The following MECOM variants were observed in gnomAD, a reference collection of about 807,000 sequenced individuals.
MECOM encodes the protein histone-lysine N-methyltransferase MECOM.
A neutral mutation model predicts 116.3 loss-of-function variants in MECOM; 13 were observed. The observed-to-expected ratio is 0.11, with a 90% confidence interval of 0.07 to 0.18. The LOEUF is 0.18. Among genes scored for constraint, MECOM ranks in the 10% least tolerant of loss-of-function variants. The probability of loss-of-function intolerance (pLI) is 1.00; values close to 1 mark genes in which losing one functional copy is unlikely to be tolerated. For missense variants in MECOM, 1,299 were observed against 1,509.0 expected (o/e 0.86, Z 2.31); for synonymous variants, 528 against 535.2 (o/e 0.99, Z 0.19).
intron 12 of MECOM, 65 bp from the exon 13 acceptor site, chr3:169,095,310 G>A: frequency 7.2e-7 from 1 of 1,390,512 alleles, no homozygotes; most frequent in Admixed American, 2.4e-5. Context: ...AGACTAGTTA[G>A]CCAGCTATCA....
chr3:169,535,395 G>C (rs1221532096), intron 1 of MECOM, among the ~76,000 whole-genome samples: 1 of 151,680 alleles, frequency 6.6e-6, no homozygotes, highest in Non-Finnish European at 1.5e-5. Context: ...TAGATACATA[G>C]AAAAAAAATC....
chr3:169,378,582 G>GAA (rs1475772052), intron 2 of MECOM, among the ~76,000 whole-genome samples: 3 of 64,268 alleles, frequency 4.7e-5, no homozygotes, highest in Admixed American at 1.6e-4. Context: ...AAGAAAGAAA[G>GAA]AAAGTAAGTA....
At chr3:169,184,479 C>T (rs1336942083) in intron 2 of MECOM, among the ~76,000 whole-genome samples, 1 of 152,024 alleles carries the variant, frequency 6.6e-6, no homozygotes, top group Non-Finnish European at 1.5e-5. Context: ...TCTAACAAGG[C>T]TGGCTTTCTA....
chr3:169,171,239 G>A (rs956487286), intron 2 of MECOM, among the ~76,000 whole-genome samples: 1 of 152,106 alleles, frequency 6.6e-6, no homozygotes, highest in African/African-American at 2.4e-5. Context: ...CTATTAGTTA[G>A]GAACATTTAC....
intron 2 of MECOM, among the ~76,000 whole-genome samples, chr3:169,273,968 G>C (rs532613967): frequency 6.8e-6 from 1 of 147,266 alleles, no homozygotes; most frequent in African/African-American, 2.6e-5. Flanking sequence ...CTGGAGTGCA[G>C]TGGTATGATC....
intron 2 of MECOM, among the ~76,000 whole-genome samples, chr3:169,249,931 A>G (rs1313839963): frequency 6.6e-6 from 1 of 152,216 alleles, no homozygotes; most frequent in Non-Finnish European, 1.5e-5. Flanking sequence ...TCTTTTTTAA[A>G]TACAAGGAAA....
At chr3:169,111,653 T>C in intron 9 of MECOM, among the ~76,000 whole-genome samples, 1 of 152,270 alleles carries the variant, frequency 6.6e-6, no homozygotes, top group East Asian at 1.9e-4. Context: ...AAACTTTTAC[T>C]GCTAAACCAC....
intron 1 of MECOM, among the ~76,000 whole-genome samples, chr3:169,462,863 C>T (rs1747687620): frequency 6.6e-6 from 1 of 152,068 alleles, no homozygotes; most frequent in African/African-American, 2.4e-5. Context: ...TTTCTTGTGT[C>T]TAAATTATTT....
chr3:169,306,619 T>C (rs765002063), intron 2 of MECOM, among the ~76,000 whole-genome samples: 3 of 152,192 alleles, frequency 2.0e-5, no homozygotes, highest in Non-Finnish European at 4.4e-5. Flanking sequence ...AGACAGAGGT[T>C]GCAGTGAGCA....
chr3:169,439,315 A>C (rs1186313049), intron 1 of MECOM, among the ~76,000 whole-genome samples: 1 of 147,770 alleles, frequency 6.8e-6, no homozygotes, highest in Non-Finnish European at 1.5e-5. Flanking sequence ...ACTAAGGATT[A>C]GTATCCAGAA....
chr3:169,352,902 A>G (rs2149809266), intron 2 of MECOM, among the ~76,000 whole-genome samples: 1 of 152,014 alleles, frequency 6.6e-6, no homozygotes, highest in South Asian at 2.1e-4. Context: ...CAAGTACACA[A>G]TCTTATCTCT....
intron 2 of MECOM, among the ~76,000 whole-genome samples, chr3:169,263,516 A>G (rs1465326464): frequency 7.3e-6 from 1 of 137,212 alleles, no homozygotes; most frequent in Non-Finnish European, 1.5e-5. Flanking sequence ...TACGCAGAGC[A>G]CTTGCACACA....
intron 1 of MECOM, among the ~76,000 whole-genome samples, chr3:169,548,448 A>G (rs918882567): frequency 5.9e-5 from 9 of 152,236 alleles, no homozygotes; most frequent in African/African-American, 2.2e-4. Flanking sequence ...TAGGTACGCA[A>G]TTAATAGCTG....
intron 2 of MECOM, among the ~76,000 whole-genome samples, chr3:169,378,296 A>C (rs930543716): frequency 1.3e-5 from 2 of 150,180 alleles, no homozygotes; most frequent in Non-Finnish European, 3.0e-5. Flanking sequence ...TGTTCTGCAC[A>C]TGTATCCTAG....
chr3:169,437,404 T>C (rs182084097), intron 1 of MECOM, among the ~76,000 whole-genome samples: 21 of 152,330 alleles, frequency 1.4e-4, no homozygotes, highest in Admixed American at 3.9e-4. Context: ...CATTCAAATA[T>C]TAACTTTTTT....
chr3:169,209,505 A>G (rs1366986028), intron 2 of MECOM, among the ~76,000 whole-genome samples: 5 of 150,084 alleles, frequency 3.3e-5, no homozygotes. Flanking sequence ...AAACAAATTT[A>G]CGAGAAAAAA....
At chr3:169,116,891 C>G in intron 7 of MECOM, 152 bp from the exon 8 acceptor site, 1 of 949,336 alleles carries the variant, frequency 1.1e-6, no homozygotes, top group Admixed American at 3.3e-5. Context: ...ACAGAAAACC[C>G]CATTTCACTA....
intron 2 of MECOM, among the ~76,000 whole-genome samples, chr3:169,218,094 T>C (rs368751880): frequency 3.3e-5 from 5 of 151,998 alleles, no homozygotes; most frequent in African/African-American, 1.2e-4. Context: ...ATATAGCTTA[T>C]AGGTTGATAA....
At chr3:169,377,534 A>T (rs1427252770) in intron 2 of MECOM, among the ~76,000 whole-genome samples, 1 of 152,202 alleles carries the variant, frequency 6.6e-6, no homozygotes, top group Non-Finnish European at 1.5e-5. Context: ...CACTTTTCAA[A>T]AGAAGACATT....
Sources: allele counts gnomAD v4.1 joint callset (sites outside exome capture counted in the v4.1 genomes callset), GRCh38; gene constraint gnomAD v4.1.1; transcripts MANE v1.5; gene names NCBI Gene and HGNC (gene_info 2026-07-23, HGNC 2026-07-21).